B4GALNT3: variants seen among roughly 807,000 people sequenced by gnomAD.
B4GALNT3 encodes the protein beta-1,4-N-acetylgalactosaminyltransferase 3.
Under a neutral mutation model 120.2 loss-of-function variants are expected in B4GALNT3, and 86 were observed. The observed-to-expected ratio is 0.72, with a 90% CI of 0.60 to 0.86. B4GALNT3 has a LOEUF of 0.86. Ranked by LOEUF, B4GALNT3 falls within the 40% of genes least tolerant of loss-of-function variation. The pLI, the probability that B4GALNT3 is intolerant of heterozygous loss-of-function variation, is 0.00. For synonymous variants in B4GALNT3, 518 were observed against 510.4 expected (o/e 1.01, Z -0.20); for missense variants, 1,167 against 1,298.9 (o/e 0.90, Z 1.56).
rs576223729 is a variant in B4GALNT3 at position 533,877 on chromosome 12, C to G, written c.170-1289C>G. Among the ~76,000 whole-genome samples the G allele has an allele frequency of 6.6e-5, 10 of 152,290 alleles. No individual in the cohort carries two copies. In the East Asian group the frequency reaches 1.7e-3, roughly 26 times the overall value. Reference sequence around the variant, plus strand: ...CCTCCCCAGGCCTGTTACAGAAACACTCGTGCATAGCGTGGGTGGCCACCT... The same window carrying G: ...CCTCCCCAGGCCTGTTACAGAAACAGTCGTGCATAGCGTGGGTGGCCACCT... On this transcript the variant is annotated intron_variant, in intron 1 of 19. Coordinates refer to ENST00000266383, the MANE Select transcript of B4GALNT3 (RefSeq NM_173593.4).
intron 1 of B4GALNT3, among the ~76,000 whole-genome samples, chr12:485,167 G>A (rs1197540649): frequency 6.6e-6 from 1 of 152,150 alleles, no homozygotes; most frequent in Non-Finnish European, 1.5e-5. Context: ...CTTAGATGAT[G>A]AGGGAGGATG....
chr12:510,015 C>A (rs1319545394), intron 1 of B4GALNT3, among the ~76,000 whole-genome samples: 1 of 152,168 alleles, frequency 6.6e-6, no homozygotes, highest in Non-Finnish European at 1.5e-5. Flanking sequence ...CTTCCATGGC[C>A]GAGTGAGTTC....
chr12:540,669 G>A (rs1946904479), intron 3 of B4GALNT3, among the ~76,000 whole-genome samples: 1 of 152,178 alleles, frequency 6.6e-6, no homozygotes, highest in African/African-American at 2.4e-5. Context: ...GAAAAGGTAG[G>A]TCAGACTCCG....
At chr12:554,120 C>T (rs917911996) in intron 14 of B4GALNT3, 137 bp downstream of exon 14, 2 of 650,628 alleles carry the variant, frequency 3.1e-6, no homozygotes, top group Non-Finnish European at 5.2e-6. Flanking sequence ...GACTCAGGCT[C>T]CTGGGAAGGA....
intron 1 of B4GALNT3, among the ~76,000 whole-genome samples, chr12:512,620 GCCTTCCA>G (rs1946599377): frequency 1.7e-5 from 1 of 59,740 alleles, no homozygotes; most frequent in South Asian, 6.6e-4. Context: ...TCCACCTTCC[GCCTTCCA>G]CCTTCCGCCT....
chr12:557,991 GCAGCCCTCTCTCCC>G lies in B4GALNT3; in HGVS notation c.2535-23_2535-10del, dbSNP rs1565612794. The G allele has an allele frequency of 6.2e-7, 1 of 1,612,156 alleles. No individual in the cohort carries two copies. On this transcript the variant is annotated splice_polypyrimidine_tract_variant and intron_variant, in intron 16 of 19. Coordinates refer to ENST00000266383, the MANE Select transcript of B4GALNT3 (RefSeq NM_173593.4). ...GACCACCGCAGCTGAGTCCTGATAC[GCAGCCCTCTCTCCC>G]CTTCCTGCAGCTACCAGTACGTGAA...
In B4GALNT3 at chr12:561,470, G is replaced by T. The variant is rs529784514; in HGVS notation, c.*19G>T. 9 of 1,577,140 alleles carry T rather than the reference G, an allele frequency of 5.7e-6. No individual in the cohort carries two copies. In the East Asian group the frequency reaches 1.1e-4, roughly 20 times the overall value. ...GCTGTAGCCGGAGGGTGTCCGCGGG[G>T]CCCAGCACTCCCCGCTCTGGACTAG... On this transcript the variant is annotated 3_prime_UTR_variant, in exon 20 of 20. Coordinates refer to ENST00000266383, the MANE Select transcript of B4GALNT3 (RefSeq NM_173593.4).
rs1946006367 is a variant in B4GALNT3 at position 460,257 on chromosome 12, C to T, written c.-120C>T. 1 of 777,512 alleles carries T rather than the reference C, an allele frequency of 1.3e-6. No homozygotes were observed. Among genetic ancestry groups the T allele is most frequent in the Non-Finnish European group, 1.6e-6 (1 of 641,880 alleles). The allele number at this position is 777,512 out of a possible 1,614,324, so 48.2% of individuals were successfully genotyped here. ...GGAGAGCGGCCGGGAGAGACGGCCT[C>T]GGCGCAGCCCTGAGACGCTGGGCCG... On this transcript the variant is annotated 5_prime_UTR_variant, in exon 1 of 20. Transcript: ENST00000266383. The surrounding 1 kb of genome is among the most constrained non-coding windows in gnomAD (Gnocchi z 8.0).
At chr12:482,922 T>C (rs10849082) in intron 1 of B4GALNT3, among the ~76,000 whole-genome samples, 58,434 of 152,012 alleles carry the variant, frequency 0.38, 11,749 homozygotes, top group Non-Finnish European at 0.46. Context: ...TCTCTTTTTT[T>C]CTGGAGACAG....
Position 558,036 on chromosome 12 carries a change from G to A in B4GALNT3, c.2555G>A (p.Ser852Asn). 6.2e-7 allele frequency: 1 copy of A among 1,614,030 alleles called. No individual in the cohort carries two copies. Among genetic ancestry groups the A allele is most frequent in the Non-Finnish European group, 8.5e-7 (1 of 1,180,040 alleles). Reference sequence around the variant, plus strand: ...TGCAGCTACCAGTACGTGAAGCTAAGTGGAAACTTTGAACGCTCAGCTGGA... The same window carrying A: ...TGCAGCTACCAGTACGTGAAGCTAAATGGAAACTTTGAACGCTCAGCTGGA... ...KLRSYQYVKL[S>N]GNFERSAGLQ... Residue 852 changes from serine to asparagine, a missense_variant, in exon 17 of 20, where the codon AGT (serine) becomes AAT (asparagine). Ser to Asn is a conservative substitution (Grantham distance 46). Coordinates refer to ENST00000266383, the MANE Select transcript of B4GALNT3 (RefSeq NM_173593.4).
intron 1 of B4GALNT3, among the ~76,000 whole-genome samples, chr12:502,206 C>T (rs1157586216): frequency 6.6e-6 from 1 of 152,152 alleles, no homozygotes; most frequent in African/African-American, 2.4e-5. Flanking sequence ...AGGGTGTTCT[C>T]CATTGCATTC....
intron 3 of B4GALNT3, among the ~76,000 whole-genome samples, chr12:537,999 TCAC>T (rs1946878355): frequency 6.6e-6 from 1 of 152,192 alleles, no homozygotes; most frequent in Admixed American, 6.5e-5. Flanking sequence ...CTAGATGACA[TCAC>T]CAGGTAATTA....
intron 1 of B4GALNT3, among the ~76,000 whole-genome samples, chr12:469,670 C>G (rs1284107129): frequency 6.6e-6 from 1 of 152,084 alleles, no homozygotes; most frequent in African/African-American, 2.4e-5. Context: ...AGAACGAGAG[C>G]TGTCTGGGGG....
intron 18 of B4GALNT3, 110 bp from the exon 19 acceptor site, chr12:559,185 C>T (rs7965155): frequency 0.28 from 405,018 of 1,447,474 alleles, 59,888 homozygotes; most frequent in Middle Eastern, 0.41. Context: ...CCTCCCTCAA[C>T]CCCAGCCTCT....
At chr12:470,276 A>T (rs1307775536) in intron 1 of B4GALNT3, among the ~76,000 whole-genome samples, 1 of 152,204 alleles carries the variant, frequency 6.6e-6, no homozygotes, top group East Asian at 1.9e-4. Context: ...CTCTGACAAC[A>T]TGGTCTCCGT....
At chr12:480,887 C>T (rs1186016349) in intron 1 of B4GALNT3, among the ~76,000 whole-genome samples, 2 of 152,262 alleles carry the variant, frequency 1.3e-5, no homozygotes, top group African/African-American at 4.8e-5. Flanking sequence ...TCACAGCCTC[C>T]TCCTCTGCCC....
intron 4 of B4GALNT3, 147 bp downstream of exon 4, chr12:544,581 C>T (rs1346968762): frequency 2.7e-6 from 2 of 743,434 alleles, no homozygotes; most frequent in East Asian, 2.6e-5. Context: ...ATAATAGTTC[C>T]CTTGTTTCCT....
At chr12:538,977 A>G (rs1320238066) in intron 3 of B4GALNT3, among the ~76,000 whole-genome samples, 1 of 152,232 alleles carries the variant, frequency 6.6e-6, no homozygotes, top group Non-Finnish European at 1.5e-5. Context: ...TCTTCCAGAT[A>G]ATGGCTCAGA....
intron 1 of B4GALNT3, among the ~76,000 whole-genome samples, chr12:495,711 G>C (rs1453792283): frequency 6.6e-6 from 1 of 152,164 alleles, no homozygotes; most frequent in Non-Finnish European, 1.5e-5. Context: ...GTTAATGGTA[G>C]CCCTGACTCT....
Sources: gnomAD v4.1 joint callset for allele counts (sites outside exome capture counted in the v4.1 genomes callset) on GRCh38, gnomAD v4.1.1 for gene constraint, Gnocchi (gnomAD v3.1) non-coding constraint, MANE v1.5 for transcripts, NCBI Gene and HGNC (gene_info 2026-07-23, HGNC 2026-07-21) for gene names.